MALRD1: variants seen among roughly 807,000 people sequenced by gnomAD.
MALRD1 encodes the protein MAM and LDL receptor class A domain containing 1, also known as MAM and LDL-receptor class A domain-containing protein 1.
In MALRD1, 247 loss-of-function variants were observed where a neutral mutation model predicts 242.1. That is an observed-to-expected ratio of 1.02 (90% CI 0.92 to 1.13). The LOEUF is 1.13. Ranked by LOEUF, MALRD1 falls within the 50% of genes most tolerant of loss-of-function variation. The pLI is 0.00. For synonymous variants in MALRD1, 995 were observed against 866.6 expected (o/e 1.15, Z -2.60); for missense variants, 2,989 against 2,533.1 (o/e 1.18, Z -3.86).
intron 1 of MALRD1, among the ~76,000 whole-genome samples, chr10:19,062,666 G>A (rs1834857262): frequency 6.6e-6 from 1 of 152,136 alleles, no homozygotes; most frequent in African/African-American, 2.4e-5. Context: ...CCTCTTATGT[G>A]AGTTACCTAC....
At chr10:19,440,521 G>A (rs1342862665) in intron 28 of MALRD1, among the ~76,000 whole-genome samples, 1 of 152,046 alleles carries the variant, frequency 6.6e-6, no homozygotes, top group Non-Finnish European at 1.5e-5. Flanking sequence ...AGGACCCGAT[G>A]TGTGATGTTC....
chr10:19,299,660 A>G (rs1841858482), intron 21 of MALRD1, among the ~76,000 whole-genome samples: 2 of 152,062 alleles, frequency 1.3e-5, no homozygotes, highest in African/African-American at 4.8e-5. Context: ...AAGGCTTTCC[A>G]TAAAATTCAA....
rs1312307712 is a variant in MALRD1, at chr10:19,209,251, T to C, written c.2579-17T>C. Reference sequence around the variant, plus strand: ...TGTCCCTAATTATCTTTTGCTTTTATTTCATGTGAATTTCAGCACCTGAGC... The same window carrying C: ...TGTCCCTAATTATCTTTTGCTTTTACTTCATGTGAATTTCAGCACCTGAGC... On this transcript the variant is annotated splice_polypyrimidine_tract_variant and intron_variant, in intron 17 of 39. Coordinates refer to ENST00000454679, the MANE Select transcript of MALRD1 (RefSeq NM_001142308.3). 1.7e-5 allele frequency: 26 copies of C among 1,489,482 alleles called. No homozygotes were observed. Among genetic ancestry groups the C allele is most frequent in the Non-Finnish European group, 2.0e-5 (23 of 1,123,240 alleles). The allele number at this position is 1,489,482 out of a possible 1,614,324, so 92.3% of individuals were successfully genotyped here. A position where few individuals can be genotyped will look rare whatever the true frequency, so the allele number is the denominator to read the frequency against.
In MALRD1 at chr10:19,283,135, A is replaced by T. The variant is rs886866282; in HGVS notation, c.3373A>T (p.Ile1125Phe). The T allele has an allele frequency of 7.7e-6, 12 of 1,549,550 alleles. No individual in the cohort carries two copies. Among genetic ancestry groups the T allele is most frequent in the Non-Finnish European group, 7.9e-6 (9 of 1,146,404 alleles). Residue 1125 changes from isoleucine to phenylalanine, a missense_variant, in exon 21 of 40, where the codon ATT (isoleucine) becomes TTT (phenylalanine). Coordinates refer to ENST00000454679, the MANE Select transcript of MALRD1 (RefSeq NM_001142308.3). Reference sequence around the variant, plus strand: ...GTGGGGGCTTGGGAACGGGATCAGCATTCATCATGGGGAAGAAAACCACAG... The same window carrying T: ...GTGGGGGCTTGGGAACGGGATCAGCTTTCATCATGGGGAAGAAAACCACAG... ...FRWGLGNGIS[I>F]HHGEENHRPS...
intron 2 of MALRD1, among the ~76,000 whole-genome samples, chr10:19,075,859 G>A (rs1835300679): frequency 6.6e-6 from 1 of 151,998 alleles, no homozygotes; most frequent in Non-Finnish European, 1.5e-5. Flanking sequence ...AATAGAAAAT[G>A]AGTTCACTAA....
chr10:19,318,227 T>G (rs1208836951), intron 21 of MALRD1, among the ~76,000 whole-genome samples: 2 of 152,024 alleles, frequency 1.3e-5, no homozygotes, highest in African/African-American at 4.8e-5. Context: ...CATACATACA[T>G]CATGTGCCCC....
upstream of MALRD1, among the ~76,000 whole-genome samples, chr10:19,048,523 A>G (rs902897299): frequency 6.6e-6 from 1 of 152,202 alleles, no homozygotes; most frequent in Admixed American, 6.5e-5. Context: ...CACAAATGTG[A>G]TTGAGTATAG....
At chr10:19,219,662 G>T (rs190727777) in intron 18 of MALRD1, among the ~76,000 whole-genome samples, 1 of 152,200 alleles carries the variant, frequency 6.6e-6, no homozygotes, top group Admixed American at 6.5e-5. Flanking sequence ...GAGCTCAAGA[G>T]ATCTTCTCAC....
chr10:19,244,628 G>A (rs1838958484), intron 18 of MALRD1, among the ~76,000 whole-genome samples: 1 of 152,070 alleles, frequency 6.6e-6, no homozygotes, highest in South Asian at 2.1e-4. Context: ...AACTAGGAGA[G>A]CTCCAAGGCT....
At chr10:19,414,865 G>A (rs1268469083) in intron 28 of MALRD1, among the ~76,000 whole-genome samples, 3 of 152,106 alleles carry the variant, frequency 2.0e-5, no homozygotes, top group Non-Finnish European at 2.9e-5. Flanking sequence ...ATATAAAAGA[G>A]AGTCATATTG....
intron 34 of MALRD1, among the ~76,000 whole-genome samples, chr10:19,605,409 C>G (rs1159389310): frequency 2.0e-5 from 3 of 151,336 alleles, no homozygotes; most frequent in African/African-American, 7.3e-5. Context: ...CTCATGTGAT[C>G]TGCCCACCTC....
intron 36 of MALRD1, among the ~76,000 whole-genome samples, chr10:19,678,410 T>C (rs1485701214): frequency 3.9e-5 from 6 of 152,130 alleles, no homozygotes; most frequent in African/African-American, 1.4e-4. Flanking sequence ...TATCCCTAGG[T>C]ATTGTATTCT....
chr10:19,611,530 A>G (rs572359192), intron 35 of MALRD1, among the ~76,000 whole-genome samples: 1 of 152,048 alleles, frequency 6.6e-6, no homozygotes, highest in Non-Finnish European at 1.5e-5. Flanking sequence ...ACACATATTC[A>G]TAATAACCAA....
chr10:19,692,316 A>G lies in MALRD1; in HGVS notation c.6172A>G (p.Ile2058Val), dbSNP rs1833109853. The change falls in exon 37 of 40, where the codon ATC (isoleucine) becomes GTC (valine). Residue 2058 changes from isoleucine (I) to valine (V), a missense_variant. Coordinates refer to ENST00000454679, the MANE Select transcript of MALRD1 (RefSeq NM_001142308.3). ...AGGCTGGAAAGGAAATCGATGCCAT[A>G]TCAAGTTTAATCCTCCTGCTACAGA... The part of the protein sequence containing the change: ...RQGWKGNRCH[I>V]KFNPPATDFT... 1.3e-6 allele frequency: 2 copies of G among 1,535,186 alleles called. No homozygotes were observed. Among genetic ancestry groups the G allele is most frequent in the African/African-American group, 1.4e-5 (1 of 73,004 alleles).
chr10:19,232,886 C>G (rs1564486608), intron 18 of MALRD1, among the ~76,000 whole-genome samples: 1 of 152,048 alleles, frequency 6.6e-6, no homozygotes, highest in Non-Finnish European at 1.5e-5. Flanking sequence ...CCAGCTTGTC[C>G]CCTCCACACT....
chr10:19,389,247 C>T (rs917430184), intron 27 of MALRD1: 26 of 677,330 alleles, frequency 3.8e-5, no homozygotes, highest in African/African-American at 1.9e-4. Context: ...CTGTGAAGCA[C>T]GTGCTAAAAG....
intron 39 of MALRD1, among the ~76,000 whole-genome samples, chr10:19,732,867 T>C (rs1349022976): frequency 2.0e-5 from 3 of 152,212 alleles, no homozygotes; most frequent in African/African-American, 4.8e-5. Context: ...GGTGGTGTAA[T>C]GGATGACTTG....
intron 10 of MALRD1, among the ~76,000 whole-genome samples, chr10:19,142,626 G>C: frequency 6.6e-6 from 1 of 152,310 alleles, no homozygotes; most frequent in Middle Eastern, 3.4e-3. Context: ...CTTAGAGATG[G>C]TGAAGCGTAT....
At chr10:19,634,955 G>A (rs1840065404) in intron 36 of MALRD1, among the ~76,000 whole-genome samples, 1 of 152,120 alleles carries the variant, frequency 6.6e-6, no homozygotes, top group Non-Finnish European at 1.5e-5. Context: ...CTGTACCCCT[G>A]AAATTAGAAT....
Sources: gnomAD v4.1 joint callset for allele counts (sites outside exome capture counted in the v4.1 genomes callset) on GRCh38, gnomAD v4.1.1 for gene constraint, MANE v1.5 for transcripts, NCBI Gene and HGNC (gene_info 2026-07-23, HGNC 2026-07-21) for gene names.